CADM2: variants seen among roughly 807,000 people sequenced by gnomAD.
CADM2 encodes cell adhesion molecule 2.
Under a neutral mutation model 49.8 loss-of-function variants are expected in CADM2, and 12 were observed. The ratio of observed to expected loss-of-function variants is 0.24; its 90% CI spans 0.15 to 0.39. The LOEUF (loss-of-function observed/expected upper bound fraction) is 0.39. Ranked by LOEUF, CADM2 falls within the 10% of genes least tolerant of loss-of-function variation. CADM2 has a pLI of 1.00. For missense variants in CADM2, 378 were observed against 492.3 expected, an observed-to-expected ratio of 0.77 and a Z score of 2.20; for synonymous variants, 214 against 175.4, an observed-to-expected ratio of 1.22 and a Z score of -1.74.
At chr3:85,406,614 G>A (rs2035390916) in intron 1 of CADM2, among the ~76,000 whole-genome samples, 1 of 151,992 alleles carries the variant, frequency 6.6e-6, no homozygotes, top group Admixed American at 6.6e-5. Flanking sequence ...TTCAACTCAG[G>A]ATCTTCTCTT....
intron 1 of CADM2, among the ~76,000 whole-genome samples, chr3:85,628,786 T>A (rs1257403262): frequency 1.3e-5 from 2 of 150,790 alleles, no homozygotes; most frequent in Admixed American, 1.3e-4. Flanking sequence ...CAAATGGTGA[T>A]TACATGGGAA....
intron 7 of CADM2, among the ~76,000 whole-genome samples, chr3:85,959,343 G>A (rs867747432): frequency 3.3e-5 from 5 of 151,676 alleles, no homozygotes; most frequent in African/African-American, 1.2e-4. Context: ...GGTTTTATGG[G>A]GGCTTCATTA....
At chr3:85,811,773 C>T (rs1213583931) in intron 3 of CADM2, among the ~76,000 whole-genome samples, 1 of 151,834 alleles carries the variant, frequency 6.6e-6, no homozygotes, top group East Asian at 1.9e-4. Flanking sequence ...AGATAGTCAC[C>T]ACCATTGTGT....
At chr3:85,175,919 C>CTTTTTTTTTTTTTTTTTT (rs11329456) in intron 1 of CADM2, among the ~76,000 whole-genome samples, 3 of 76,264 alleles carry the variant, frequency 3.9e-5, no homozygotes, top group African/African-American at 6.1e-5. Context: ...ATGTCCTAAT[C>CTTTTTTTTTTTTTTTTTT]TTTTTTTTTT....
chr3:85,497,432 A>T (rs1184365580), intron 1 of CADM2, among the ~76,000 whole-genome samples: 1 of 152,142 alleles, frequency 6.6e-6, no homozygotes, highest in Non-Finnish European at 1.5e-5. Flanking sequence ...AGTTCTAAAA[A>T]ATTATAAAAT....
chr3:85,077,169 A>G (rs1234484899), intron 1 of CADM2, among the ~76,000 whole-genome samples: 1 of 152,150 alleles, frequency 6.6e-6, no homozygotes, highest in Non-Finnish European at 1.5e-5. Context: ...GAAGTTATGT[A>G]TTGTATCTAG....
At chr3:85,915,832 A>C (rs548186908) in intron 6 of CADM2, among the ~76,000 whole-genome samples, 1 of 152,326 alleles carries the variant, frequency 6.6e-6, no homozygotes, top group East Asian at 1.9e-4. Context: ...AGATCCACAG[A>C]GATGATATTG....
chr3:85,679,908 A>G (rs1406533170), intron 1 of CADM2, among the ~76,000 whole-genome samples: 3 of 152,168 alleles, frequency 2.0e-5, no homozygotes. Flanking sequence ...TAGGGCAGAT[A>G]TTCATTTTGC....
chr3:85,275,128 T>C (rs1334743254), intron 1 of CADM2, among the ~76,000 whole-genome samples: 2 of 151,536 alleles, frequency 1.3e-5, no homozygotes, highest in Non-Finnish European at 3.0e-5. Flanking sequence ...TTAGCAAAAA[T>C]TTTGAAATGG....
chr3:85,946,201 A>G (rs1722667287), intron 7 of CADM2, among the ~76,000 whole-genome samples: 1 of 151,966 alleles, frequency 6.6e-6, no homozygotes, highest in African/African-American at 2.4e-5. Context: ...AGAATAAAAT[A>G]CCTAGGAATC....
intron 1 of CADM2, among the ~76,000 whole-genome samples, chr3:85,700,214 T>G (rs995002931): frequency 1.2e-4 from 19 of 152,132 alleles, no homozygotes; most frequent in African/African-American, 4.6e-4. Flanking sequence ...AAAGCATCAT[T>G]CTCAGCAAAC....
At chr3:85,974,897 G>T (rs1726586569) in intron 8 of CADM2, among the ~76,000 whole-genome samples, 1 of 151,478 alleles carries the variant, frequency 6.6e-6, no homozygotes, top group Non-Finnish European at 1.5e-5. Context: ...TAAGTGAAAT[G>T]AAAAGTATAA....
Position 85,699,710 on chromosome 3 carries a change from C to A in CADM2, c.62-26812C>A, listed in dbSNP as rs182338144. ...CTGGCCCATGAAACCATTTTTCCCC[C>A]CTAGGCCTCCAGGCCTGTGATGGAA... On this transcript the variant is annotated intron_variant, in intron 1 of 9. Coordinates refer to ENST00000383699, the MANE Select transcript of CADM2 (RefSeq NM_001167675.2). 5.4e-3 allele frequency among the ~76,000 whole-genome samples: 829 copies of A among 152,336 alleles called. 7 individuals are homozygous for A. The highest frequency in any genetic ancestry group is 0.011 in the Admixed American group (167 of 15,312).
At chr3:85,314,111 A>G (rs2044408769) in intron 1 of CADM2, among the ~76,000 whole-genome samples, 1 of 152,064 alleles carries the variant, frequency 6.6e-6, no homozygotes, top group South Asian at 2.1e-4. Flanking sequence ...GATGGTCTCG[A>G]TCTCCCGACC....
At chr3:85,486,443 G>C (rs1451756156) in intron 1 of CADM2, among the ~76,000 whole-genome samples, 1 of 152,082 alleles carries the variant, frequency 6.6e-6, no homozygotes. Context: ...TGGGAGAAAA[G>C]ATTGTTAATT....
At chr3:85,423,248 G>A (rs1387910743) in intron 1 of CADM2, among the ~76,000 whole-genome samples, 1 of 152,024 alleles carries the variant, frequency 6.6e-6, no homozygotes, top group Non-Finnish European at 1.5e-5. Flanking sequence ...TTCTGCTCAT[G>A]GTGCCTGGGG....
chr3:85,227,091 G>A (rs143840352), intron 1 of CADM2, among the ~76,000 whole-genome samples: 307 of 152,286 alleles, frequency 2.0e-3, no homozygotes, highest in Non-Finnish European at 3.2e-3. Context: ...TAAGAAGAAT[G>A]TATATTCTGT....
At position 85,342,706 on chromosome 3, in the gene CADM2, T is replaced by A. The variant is rs1160067424; in HGVS notation, c.61+383038T>A. Among the ~76,000 whole-genome samples the A allele has an allele frequency of 2.0e-5, 3 of 151,922 alleles. No individual in the cohort carries two copies. The East Asian group carries it at 5.8e-4, about 29-fold the overall frequency. ...TAGTTTTTTCTCTTTTTCAGAAGAGTTATCTGAATTTTTAATATCAAATCT... is the reference window on the plus strand; with the variant it reads ...TAGTTTTTTCTCTTTTTCAGAAGAGATATCTGAATTTTTAATATCAAATCT... On this transcript the variant is annotated intron_variant, in intron 1 of 9. Coordinates refer to ENST00000383699, the MANE Select transcript of CADM2 (RefSeq NM_001167675.2).
intron 1 of CADM2, among the ~76,000 whole-genome samples, chr3:85,241,677 T>A (rs1576193572): frequency 6.6e-6 from 1 of 151,710 alleles, no homozygotes; most frequent in East Asian, 1.9e-4. Context: ...TTGGTAGAAA[T>A]AAGTTATCAT....
Sources: gnomAD v4.1 joint callset for allele counts (sites outside exome capture counted in the v4.1 genomes callset) on GRCh38, gnomAD v4.1.1 for gene constraint, MANE v1.5 for transcripts, NCBI Gene and HGNC (gene_info 2026-07-23, HGNC 2026-07-21) for gene names.